Variants in CBFB observed in about 807,000 individuals in gnomAD.
CBFB encodes CBF-beta.
A neutral mutation model predicts 30.4 loss-of-function variants in CBFB; 9 were observed. The observed-to-expected ratio is 0.30, with a 90% CI of 0.18 to 0.52. The LOEUF (loss-of-function observed/expected upper bound fraction) is 0.52, where lower values mean the gene tolerates loss of function less well. Ranked by LOEUF, CBFB falls within the 20% of genes least tolerant of loss-of-function variation. The pLI is 0.97. For synonymous variants in CBFB, 94 were observed against 84.0 expected (o/e 1.12, Z -0.65); for missense variants, 170 against 244.0 (o/e 0.70, Z 2.02).
At chr16:67,065,075 G>C (rs1193678402) in intron 3 of CBFB, among the ~76,000 whole-genome samples, 1 of 151,828 alleles carries the variant, frequency 6.6e-6, no homozygotes, top group Non-Finnish European at 1.5e-5. Context: ...TTTTTGTTAT[G>C]TTCAGTAGAG....
intron 2 of CBFB, among the ~76,000 whole-genome samples, chr16:67,034,539 G>T (rs571236462): frequency 2.0e-5 from 3 of 152,316 alleles, no homozygotes; most frequent in South Asian, 4.1e-4. Flanking sequence ...TTTGGAAAAT[G>T]TTATTCTAGA....
At position 67,098,717 on chromosome 16, in the gene CBFB, GACA is replaced by G. The variant is rs761606770; in HGVS notation, c.508_510del (p.Gln170del). ...ATGATTTTGTCATTGCAGGCAAGAA[GACA>G]ACAAGACCCTAGTCCTGGTTCCAAT... On this transcript the variant is annotated inframe_deletion, in exon 6 of 6. Transcript: ENST00000412916. 5.0e-6 allele frequency: 8 copies of G among 1,606,310 alleles called. No individual in the cohort carries two copies. Among genetic ancestry groups the G allele is most frequent in the East Asian group, 4.5e-5 (2 of 44,800 alleles).
At chr16:67,095,210 CAAAAAAAAAA>C (rs71145959) in intron 5 of CBFB, among the ~76,000 whole-genome samples, 5 of 27,096 alleles carry the variant, frequency 1.8e-4, no homozygotes, top group East Asian at 1.5e-3. Context: ...AAGTGTGTCT[CAAAAAAAAAA>C]AAAAAAAAAA....
At chr16:67,035,033 TG>T (rs1207136465) in intron 2 of CBFB, among the ~76,000 whole-genome samples, 1 of 151,758 alleles carries the variant, frequency 6.6e-6, no homozygotes, top group Admixed American at 6.6e-5. Context: ...TAACTAGTGT[TG>T]GGGGGTTTTT....
At chr16:67,096,925 CAAAA>C (rs911939844) in intron 5 of CBFB, among the ~76,000 whole-genome samples, 1 of 83,446 alleles carries the variant, frequency 1.2e-5, no homozygotes. Flanking sequence ...GACTCCGTCT[CAAAA>C]AAAAAAAAAA....
At chr16:67,064,277 G>A (rs1960992336) in intron 3 of CBFB, among the ~76,000 whole-genome samples, 2 of 152,220 alleles carry the variant, frequency 1.3e-5, no homozygotes, top group African/African-American at 4.8e-5. Context: ...CACGATCTCA[G>A]TTTACTGCAA....
chr16:67,029,680 C>CGGCGCCGCGGATTT lies in CBFB; in HGVS notation c.79-43_79-30dup, dbSNP rs1438826122. On this transcript the variant is annotated intron_variant, in intron 1 of 5. Coordinates refer to ENST00000412916, the MANE Select transcript of CBFB (RefSeq NM_022845.3). Reference sequence around the variant, plus strand: ...TGCGCTGGGAGGGCGGGCGCGCGGGCGGCGCCGCGGATTTGGCTCCTGATT... The same window carrying CGGCGCCGCGGATTT: ...TGCGCTGGGAGGGCGGGCGCGCGGGCGGCGCCGCGGATTTGGCGCCGCGGATTTGGCTCCTGATT... 2.0e-6 allele frequency: 3 copies of CGGCGCCGCGGATTT among 1,495,560 alleles called. No individual in the cohort carries two copies. The South Asian group carries it at 3.5e-5, about 18-fold the overall frequency. The allele number at this position is 1,495,560 out of a possible 1,614,324, so 92.6% of individuals were successfully genotyped here. A position where few individuals can be genotyped will look rare whatever the true frequency, so the allele number is the denominator to read the frequency against.
In CBFB at chr16:67,048,473, A is replaced by G. The variant is rs562288103; in HGVS notation, c.282+11718A>G. Among the ~76,000 whole-genome samples the G allele has an allele frequency of 2.0e-5, 3 of 152,330 alleles. No individual in the cohort carries two copies. In the South Asian group the frequency reaches 6.2e-4, roughly 32 times the overall value. On this transcript the variant is annotated intron_variant, in intron 3 of 5. Coordinates refer to ENST00000412916, the MANE Select transcript of CBFB (RefSeq NM_022845.3). The stretch of plus-strand genomic sequence containing the variant: ...TTTTAAAAGCTATTTATAAAATATT[A>G]AAATAAGATATTACATGAAGTTAAA...
chr16:67,096,176 G>A (rs1279283075), intron 5 of CBFB, among the ~76,000 whole-genome samples: 3 of 151,948 alleles, frequency 2.0e-5, no homozygotes, highest in Non-Finnish European at 2.9e-5. Flanking sequence ...GCCAGGTGTC[G>A]TGGTGCATGC....
chr16:67,037,388 A>G (rs1162167332), intron 3 of CBFB, among the ~76,000 whole-genome samples: 1 of 152,220 alleles, frequency 6.6e-6, no homozygotes, highest in African/African-American at 2.4e-5. Context: ...AACAAGAGGA[A>G]AACGGAAAAA....
At position 67,029,795 on chromosome 16, in the gene CBFB, C is replaced by T. The variant is rs2145702966; in HGVS notation, c.147C>T (p.Arg49=). 3.1e-6 allele frequency: 5 copies of T among 1,587,866 alleles called. No individual in the cohort carries two copies. Among genetic ancestry groups the T allele is most frequent in the Non-Finnish European group, 4.3e-6 (5 of 1,169,350 alleles). The change falls in exon 2 of 6, where the codon CGC becomes CGT. Residue 49 remains arginine, a synonymous_variant. Transcript: ENST00000412916. The part of the protein sequence containing the change: ...ERQARFQNAC[R]DGRSEIAFVA... ...AGGCACGCTTCCAGAACGCCTGCCG[C>T]GACGGCCGCTCGGAAATCGTAAGTC... is the stretch of plus-strand genomic sequence containing the variant.
chr16:67,068,680 T>C (rs1420466709), intron 4 of CBFB, among the ~76,000 whole-genome samples: 2 of 152,084 alleles, frequency 1.3e-5, no homozygotes, highest in Non-Finnish European at 2.9e-5. Context: ...TTATGAGATA[T>C]GCAACTATGA....
At position 67,054,930 on chromosome 16, in the gene CBFB, A is replaced by T. The variant is rs997259237; in HGVS notation, c.283-11752A>T. On this transcript the variant is annotated intron_variant, in intron 3 of 5. Transcript: ENST00000412916. Reference sequence around the variant, plus strand: ...CCACCACGCCTGGCTAATTTTTTGTATTTTTTTTTTTTTTTTTAGTAGAGA... The same window carrying T: ...CCACCACGCCTGGCTAATTTTTTGTTTTTTTTTTTTTTTTTTTAGTAGAGA... Among the ~76,000 whole-genome samples, 991 of 122,562 alleles carry T rather than the reference A, an allele frequency of 8.1e-3. 3 individuals carry two copies. The highest frequency in any genetic ancestry group is 0.013 in the Non-Finnish European group (729 of 54,546). 80.4% of individuals were successfully genotyped at this position (122,562 alleles called of 152,430 possible). A position where few individuals can be genotyped will look rare whatever the true frequency, so the allele number is the denominator to read the frequency against.
At chr16:67,090,807 A>G (rs1282498890) in intron 5 of CBFB, among the ~76,000 whole-genome samples, 1 of 152,244 alleles carries the variant, frequency 6.6e-6, no homozygotes, top group African/African-American at 2.4e-5. Context: ...ATTTTAATAC[A>G]ATTCAAATCA....
At chr16:67,073,299 T>G (rs1961285886) in intron 4 of CBFB, among the ~76,000 whole-genome samples, 1 of 152,220 alleles carries the variant, frequency 6.6e-6, no homozygotes, top group South Asian at 2.1e-4. Flanking sequence ...ACAAGTTTGG[T>G]ATAAGACAAT....
rs189108238 is a variant in CBFB at position 67,034,742 on chromosome 16, C to T, written c.166-1897C>T. 2.0e-4 allele frequency among the ~76,000 whole-genome samples: 30 copies of T among 152,296 alleles called. No homozygotes were observed. In the East Asian group the frequency reaches 5.8e-3, roughly 29 times the overall value. On this transcript the variant is annotated intron_variant, in intron 2 of 5. Coordinates refer to ENST00000412916, the MANE Select transcript of CBFB (RefSeq NM_022845.3). Reference sequence around the variant, plus strand: ...GGAAGGATTTGCTACTACGTGAATACTGAAGAAACAAGCCACAGGGATTTT... The same window carrying T: ...GGAAGGATTTGCTACTACGTGAATATTGAAGAAACAAGCCACAGGGATTTT...
intron 2 of CBFB, among the ~76,000 whole-genome samples, chr16:67,032,413 C>T (rs772854725): frequency 1.3e-5 from 2 of 152,294 alleles, no homozygotes; most frequent in Non-Finnish European, 2.9e-5. Context: ...AGATTGAATG[C>T]TGTGTGAGGT....
chr16:67,068,522 G>T (rs986358640), intron 4 of CBFB, among the ~76,000 whole-genome samples: 2 of 152,082 alleles, frequency 1.3e-5, no homozygotes. Context: ...GACATCAGAG[G>T]CTGTGCACTG....
At chr16:67,094,735 T>TA (rs1204683238) in intron 5 of CBFB, among the ~76,000 whole-genome samples, 1 of 152,216 alleles carries the variant, frequency 6.6e-6, no homozygotes, top group Non-Finnish European at 1.5e-5. Context: ...GATCTGTCCT[T>TA]ACACTGCATT....
Sources: allele counts gnomAD v4.1 joint callset (sites outside exome capture counted in the v4.1 genomes callset), GRCh38; gene constraint gnomAD v4.1.1; transcripts MANE v1.5; gene names NCBI Gene and HGNC (gene_info 2026-07-23, HGNC 2026-07-21).